SLC9A9: variants seen among roughly 807,000 people sequenced by gnomAD.
SLC9A9 encodes solute carrier family 9 member A9, also known as sodium/hydrogen exchanger 9.
A neutral mutation model predicts 77.8 loss-of-function variants in SLC9A9; 62 were observed. The observed-to-expected ratio is 0.80, with a 90% CI of 0.65 to 0.98. SLC9A9 has a LOEUF of 0.98. SLC9A9 is among the 50% of genes least tolerant of loss of function. SLC9A9 has a pLI of 0.00. For synonymous variants in SLC9A9, 320 were observed against 283.5 expected, an observed-to-expected ratio of 1.13 and a Z score of -1.29; for missense variants, 775 against 774.9, an observed-to-expected ratio of 1.00 and a Z score of 0.00.
At chr3:143,671,470 A>G (rs2039152716) in intron 5 of SLC9A9, among the ~76,000 whole-genome samples, 16 of 152,202 alleles carry the variant, frequency 1.1e-4, no homozygotes, top group Admixed American at 1.0e-3. Flanking sequence ...TTCACCTAAG[A>G]AATGGGTCTT....
chr3:143,463,571 G>A (rs532191906), intron 12 of SLC9A9, among the ~76,000 whole-genome samples: 1 of 152,184 alleles, frequency 6.6e-6, no homozygotes, highest in African/African-American at 2.4e-5. Context: ...TTTCCTCACC[G>A]CCAGTATTAA....
intron 13 of SLC9A9, among the ~76,000 whole-genome samples, chr3:143,374,478 T>C (rs1053270739): frequency 2.3e-5 from 3 of 131,674 alleles, no homozygotes; most frequent in South Asian, 2.5e-4. Context: ...CACAACAGAA[T>C]GTGATTTTCA....
At chr3:143,624,588 A>T (rs572642628) in intron 6 of SLC9A9, among the ~76,000 whole-genome samples, 6 of 152,332 alleles carry the variant, frequency 3.9e-5, no homozygotes, top group Non-Finnish European at 8.8e-5. Context: ...AAAACTCTCA[A>T]TAAATCAGGT....
chr3:143,585,085 G>A (rs2037519462), intron 6 of SLC9A9, among the ~76,000 whole-genome samples: 1 of 152,176 alleles, frequency 6.6e-6, no homozygotes, highest in Non-Finnish European at 1.5e-5. Flanking sequence ...ACCTCTGTTG[G>A]CATGATGGCA....
intron 4 of SLC9A9, among the ~76,000 whole-genome samples, chr3:143,727,253 TA>T (rs1934678026): frequency 6.6e-6 from 1 of 152,158 alleles, no homozygotes; most frequent in Non-Finnish European, 1.5e-5. Flanking sequence ...CAAATCTTTT[TA>T]TTTCTAATCA....
intron 12 of SLC9A9, among the ~76,000 whole-genome samples, chr3:143,423,050 C>T (rs190256157): frequency 3.7e-4 from 57 of 152,086 alleles, no homozygotes; most frequent in Non-Finnish European, 6.8e-4. Context: ...AGAACACAGG[C>T]TATTAGGTTT....
chr3:143,423,057 G>GT (rs1263765373), intron 12 of SLC9A9, among the ~76,000 whole-genome samples: 3 of 152,100 alleles, frequency 2.0e-5, no homozygotes, highest in Non-Finnish European at 4.4e-5. Flanking sequence ...AGGCTATTAG[G>GT]TTTTTCACTG....
At chr3:143,298,301 T>C (rs567845343) in intron 14 of SLC9A9, among the ~76,000 whole-genome samples, 37 of 152,316 alleles carry the variant, frequency 2.4e-4, no homozygotes, top group African/African-American at 8.4e-4. Flanking sequence ...ATCTGCAACC[T>C]AGCCCATGTA....
At chr3:143,592,601 G>A (rs1350873207) in intron 6 of SLC9A9, among the ~76,000 whole-genome samples, 2 of 152,202 alleles carry the variant, frequency 1.3e-5, no homozygotes, top group Admixed American at 1.3e-4. Context: ...GTGAGGTTTT[G>A]AGAGTTGTGT....
intron 14 of SLC9A9, among the ~76,000 whole-genome samples, chr3:143,328,932 C>T (rs563478152): frequency 7.9e-5 from 12 of 152,314 alleles, no homozygotes; most frequent in African/African-American, 2.9e-4. Context: ...TTGACCACAT[C>T]TGACCCATTT....
chr3:143,381,939 A>G, intron 13 of SLC9A9, 121 bp downstream of exon 13: 2 of 1,126,080 alleles, frequency 1.8e-6, no homozygotes, highest in Non-Finnish European at 2.7e-6. Flanking sequence ...CATTTGTTTT[A>G]TCAGCAGAGG....
At chr3:143,463,537 A>G (rs1158467428) in intron 12 of SLC9A9, among the ~76,000 whole-genome samples, 1 of 152,208 alleles carries the variant, frequency 6.6e-6, no homozygotes, top group African/African-American at 2.4e-5. Context: ...CAGCAGAGCT[A>G]GTCCTTGGAG....
intron 6 of SLC9A9, among the ~76,000 whole-genome samples, chr3:143,618,815 T>A (rs2038150978): frequency 6.6e-6 from 1 of 152,220 alleles, no homozygotes. Flanking sequence ...AATAGCTATT[T>A]ATTTGAAGAA....
At chr3:143,558,875 G>A (rs2037034244) in intron 8 of SLC9A9, among the ~76,000 whole-genome samples, 1 of 152,128 alleles carries the variant, frequency 6.6e-6, no homozygotes, top group Non-Finnish European at 1.5e-5. Context: ...GGGGCAGAAT[G>A]TTATAGTTTG....
chr3:143,412,930 T>A (rs901805931), intron 12 of SLC9A9, among the ~76,000 whole-genome samples: 5 of 152,202 alleles, frequency 3.3e-5, no homozygotes, highest in African/African-American at 9.6e-5. Context: ...CAATTCTGAT[T>A]TTTTCTTACT....
intron 14 of SLC9A9, among the ~76,000 whole-genome samples, chr3:143,309,575 T>C (rs998538358): frequency 1.3e-5 from 2 of 152,210 alleles, no homozygotes; most frequent in African/African-American, 4.8e-5. Context: ...TCTTCCTAGT[T>C]GAGTGTAGGA....
intron 4 of SLC9A9, among the ~76,000 whole-genome samples, chr3:143,754,543 C>T (rs961037893): frequency 4.6e-5 from 7 of 152,128 alleles, no homozygotes; most frequent in Non-Finnish European, 1.0e-4. Context: ...CATCAACTTG[C>T]TTTATTGATG....
intron 9 of SLC9A9, among the ~76,000 whole-genome samples, chr3:143,514,009 G>C (rs113933123): frequency 0.02 from 3,069 of 151,908 alleles, 100 homozygotes; most frequent in African/African-American, 0.069. Context: ...CCCTACCCCA[G>C]GACAGGCCTC....
At chr3:143,273,563 T>A (rs1394167292) in intron 14 of SLC9A9, among the ~76,000 whole-genome samples, 1 of 152,120 alleles carries the variant, frequency 6.6e-6, no homozygotes, top group Admixed American at 6.6e-5. Flanking sequence ...CTGAGAAAAT[T>A]TCTCTTGTTT....
Sources: allele counts gnomAD v4.1 joint callset (sites outside exome capture counted in the v4.1 genomes callset), GRCh38; gene constraint gnomAD v4.1.1; transcripts MANE v1.5; gene names NCBI Gene and HGNC (gene_info 2026-07-23, HGNC 2026-07-21).